Variants in UGT1A9 observed in about 807,000 individuals in gnomAD.
UGT1A9 encodes UDP glucuronosyltransferase family 1 member A9.
UGT1A9 carries 35 observed loss-of-function variants against 45.0 expected under a neutral mutation model. That is an observed-to-expected ratio of 0.78 (90% confidence interval 0.59 to 1.03). The LOEUF (loss-of-function observed/expected upper bound fraction) is 1.03, where lower values mean the gene tolerates loss of function less well. UGT1A9 is among the 50% of genes least tolerant of loss of function. UGT1A9 has a pLI of 0.00. For synonymous variants in UGT1A9, 278 were observed against 250.6 expected, an observed-to-expected ratio of 1.11 and a Z score of -1.03; for missense variants, 687 against 666.6, an observed-to-expected ratio of 1.03 and a Z score of -0.34.
At chr2:233,713,509 T>G (rs775377534) in intron 1 of UGT1A9, 50 of 1,613,866 alleles carry the variant, frequency 3.1e-5, no homozygotes, top group Admixed American at 1.5e-4. Flanking sequence ...GTGTTTTTCT[T>G]GAGGAACATT....
At chr2:233,711,571 A>G (rs1167156612) in intron 1 of UGT1A9, among the ~76,000 whole-genome samples, 2 of 152,222 alleles carry the variant, frequency 1.3e-5, no homozygotes, top group African/African-American at 4.8e-5. Flanking sequence ...AAGCCCTTGC[A>G]GGCCTGCCTT....
intron 1 of UGT1A9, chr2:233,719,729 A>C: frequency 6.2e-7 from 1 of 1,613,584 alleles, no homozygotes. Context: ...TCCAGGCAAA[A>C]CACTTTTTAA....
chr2:233,693,173 G>T, intron 1 of UGT1A9: 1 of 1,614,186 alleles, frequency 6.2e-7, no homozygotes, highest in Non-Finnish European at 8.5e-7. Flanking sequence ...TCATGAGATT[G>T]TAGTGGTGGT....
intron 1 of UGT1A9, among the ~76,000 whole-genome samples, chr2:233,720,100 C>T (rs1458548805): frequency 2.0e-5 from 3 of 152,132 alleles, no homozygotes; most frequent in African/African-American, 7.2e-5. Flanking sequence ...TTAGTGGTCC[C>T]ATCTTGCGAA....
chr2:233,729,398 G>T, intron 1 of UGT1A9: 1 of 1,613,654 alleles, frequency 6.2e-7, no homozygotes. Flanking sequence ...GAATTTGATC[G>T]CCATGTGCTG....
At chr2:233,746,132 G>C (rs998349575) in intron 1 of UGT1A9, among the ~76,000 whole-genome samples, 5 of 151,792 alleles carry the variant, frequency 3.3e-5, no homozygotes, top group African/African-American at 1.2e-4. Context: ...CTGTGGACTG[G>C]CACCTGAGTG....
At chr2:233,675,114 C>T (rs1018592864) in intron 1 of UGT1A9, among the ~76,000 whole-genome samples, 1 of 151,716 alleles carries the variant, frequency 6.6e-6, no homozygotes, top group Non-Finnish European at 1.5e-5. Context: ...TGAAGGTCTC[C>T]TGTAACAAAA....
At chr2:233,695,723 A>G (rs1232477680) in intron 1 of UGT1A9, among the ~76,000 whole-genome samples, 1 of 152,152 alleles carries the variant, frequency 6.6e-6, no homozygotes, top group Non-Finnish European at 1.5e-5. Flanking sequence ...ACTTCCAGTT[A>G]CATTTATGTT....
At chr2:233,745,788 G>A (rs1003270220) in intron 1 of UGT1A9, among the ~76,000 whole-genome samples, 1 of 150,764 alleles carries the variant, frequency 6.6e-6, no homozygotes, top group Non-Finnish European at 1.5e-5. Flanking sequence ...AGACAGGGGG[G>A]CTGGGGTCTA....
At chr2:233,735,872 G>A (rs1314533195) in intron 1 of UGT1A9, among the ~76,000 whole-genome samples, 1 of 152,196 alleles carries the variant, frequency 6.6e-6, no homozygotes, top group African/African-American at 2.4e-5. Context: ...TTTCTGCAGA[G>A]AGATCTGCTG....
At chr2:233,690,520 G>T (rs899675613) in intron 1 of UGT1A9, 2 of 1,289,308 alleles carry the variant, frequency 1.6e-6, no homozygotes, top group Non-Finnish European at 2.0e-6. Context: ...TTTATCTTAG[G>T]ATCTACTTCT....
intron 1 of UGT1A9, among the ~76,000 whole-genome samples, chr2:233,701,090 G>A (rs1014206515): frequency 6.6e-6 from 1 of 152,156 alleles, no homozygotes; most frequent in Non-Finnish European, 1.5e-5. Flanking sequence ...TGGTGTATAT[G>A]TGCCACATTT....
At chr2:233,696,174 A>G (rs1477446914) in intron 1 of UGT1A9, among the ~76,000 whole-genome samples, 1 of 152,242 alleles carries the variant, frequency 6.6e-6, no homozygotes, top group African/African-American at 2.4e-5. Flanking sequence ...AAAAATATAT[A>G]TTGAAGAGCT....
At chr2:233,699,964 G>C (rs985933821) in intron 1 of UGT1A9, among the ~76,000 whole-genome samples, 1 of 152,126 alleles carries the variant, frequency 6.6e-6, no homozygotes, top group Non-Finnish European at 1.5e-5. Flanking sequence ...AAAAATACCC[G>C]TCCCCCAACT....
chr2:233,750,128 G>T (rs1357269719), intron 1 of UGT1A9, among the ~76,000 whole-genome samples: 9 of 151,932 alleles, frequency 5.9e-5, no homozygotes, highest in African/African-American at 1.7e-4. Context: ...ATGTGGGAAA[G>T]TTTGGAACTT....
At chr2:233,721,924 G>A (rs2076980343) in intron 1 of UGT1A9, 1 of 395,850 alleles carries the variant, frequency 2.5e-6, no homozygotes, top group East Asian at 7.1e-5. Context: ...TCCATAAAGT[G>A]ACATCCTTCA....
chr2:233,718,643 C>T, intron 1 of UGT1A9: 1 of 1,485,946 alleles, frequency 6.7e-7, no homozygotes, highest in South Asian at 1.3e-5. Context: ...AGGGTTGGGC[C>T]CATAACGAAA....
chr2:233,674,874 A>T (rs2074299574), intron 1 of UGT1A9, among the ~76,000 whole-genome samples: 1 of 152,206 alleles, frequency 6.6e-6, no homozygotes, highest in Admixed American at 6.5e-5. Context: ...TGACAGAAGG[A>T]TGGACACTTC....
chr2:233,673,020 T>C (rs2074248556), intron 1 of UGT1A9, among the ~76,000 whole-genome samples: 1 of 152,228 alleles, frequency 6.6e-6, no homozygotes, highest in Admixed American at 6.5e-5. Context: ...ATATTCAGCC[T>C]ACATTTTTAA....
Sources: allele counts gnomAD v4.1 joint callset (sites outside exome capture counted in the v4.1 genomes callset), GRCh38; gene constraint gnomAD v4.1.1; transcripts MANE v1.5; gene names NCBI Gene and HGNC (gene_info 2026-07-23, HGNC 2026-07-21).